RASAL2: variants seen among roughly 807,000 people sequenced by gnomAD.
RASAL2 encodes ras GTPase-activating protein nGAP.
RASAL2 carries 58 observed loss-of-function variants against 128.9 expected under a neutral mutation model. The ratio of observed to expected loss-of-function variants is 0.45; its 90% CI spans 0.36 to 0.56. The LOEUF (loss-of-function observed/expected upper bound fraction) is 0.56, where lower values mean the gene tolerates loss of function less well. RASAL2 is among the 20% of genes least tolerant of loss of function. The pLI is 0.00. For synonymous variants in RASAL2, 561 were observed against 580.8 expected, an observed-to-expected ratio of 0.97 and a Z score of 0.49; for missense variants, 1,360 against 1,601.6, an observed-to-expected ratio of 0.85 and a Z score of 2.57.
At chr1:178,411,178 A>G (rs1048047557) in intron 4 of RASAL2, among the ~76,000 whole-genome samples, 2 of 147,048 alleles carry the variant, frequency 1.4e-5, no homozygotes, top group Admixed American at 6.7e-5. Flanking sequence ...ACACACACAC[A>G]CACACACACA....
chr1:178,238,840 A>C (rs1038409818), intron 1 of RASAL2, among the ~76,000 whole-genome samples: 10 of 151,986 alleles, frequency 6.6e-5, no homozygotes, highest in Non-Finnish European at 1.5e-5. Flanking sequence ...TCCTGGAATG[A>C]TTTATCTGCC....
At chr1:178,205,552 C>A (rs927640189) in intron 1 of RASAL2, among the ~76,000 whole-genome samples, 1 of 151,810 alleles carries the variant, frequency 6.6e-6, no homozygotes, top group African/African-American at 2.4e-5. Context: ...GTCAGGAGAT[C>A]GAGACCATCC....
chr1:178,188,957 A>T (rs1662400327), intron 1 of RASAL2, among the ~76,000 whole-genome samples: 1 of 152,154 alleles, frequency 6.6e-6, no homozygotes, highest in African/African-American at 2.4e-5. Context: ...TACTGGTGCC[A>T]GTTATAAAAT....
intron 2 of RASAL2, among the ~76,000 whole-genome samples, chr1:178,292,973 T>C (rs1010885681): frequency 6.6e-6 from 1 of 152,224 alleles, no homozygotes; most frequent in Non-Finnish European, 1.5e-5. Flanking sequence ...TGAAAGTGTT[T>C]ACACTCAGAT....
chr1:178,164,638 A>C (rs977728637), intron 1 of RASAL2, among the ~76,000 whole-genome samples: 2 of 152,012 alleles, frequency 1.3e-5, no homozygotes, highest in Non-Finnish European at 2.9e-5. Context: ...TCTGTTTTAA[A>C]GAAGGCAGAA....
At chr1:178,291,468 C>A (rs954735047) in intron 2 of RASAL2, among the ~76,000 whole-genome samples, 4 of 152,064 alleles carry the variant, frequency 2.6e-5, no homozygotes, top group African/African-American at 7.2e-5. Flanking sequence ...TGCAGTAGAC[C>A]AGGTGAGGAA....
At chr1:178,296,103 GTATATATGTGTGTATATATATGTGTA>G (rs1557883600) in intron 2 of RASAL2, among the ~76,000 whole-genome samples, 10 of 150,682 alleles carry the variant, frequency 6.6e-5, no homozygotes, top group African/African-American at 2.2e-4. Flanking sequence ...ATATATATGT[GTATATATGTGTGTATATATATGTGTA>G]TATATATGTG....
chr1:178,102,311 A>G (rs1658929329), intron 1 of RASAL2, among the ~76,000 whole-genome samples: 1 of 152,132 alleles, frequency 6.6e-6, no homozygotes, highest in Admixed American at 6.6e-5. Context: ...AGAGATAACT[A>G]TCATTTTTTT....
intron 1 of RASAL2, among the ~76,000 whole-genome samples, chr1:178,133,259 C>G (rs372885364): frequency 3.2e-4 from 49 of 152,140 alleles, no homozygotes; most frequent in African/African-American, 9.9e-4. Context: ...TTTACTCTTA[C>G]GCATTTTGCT....
In RASAL2 at chr1:178,215,410, A is replaced by G. The variant is rs373369228; in HGVS notation, c.203-68154A>G. The stretch of plus-strand genomic sequence containing the variant: ...GGAGAAGATGCTGAGAAATAGTGGG[A>G]AGTCCTAGGGGATGGAAGAACCCAG... On this transcript the variant is annotated intron_variant, in intron 1 of 17. Coordinates refer to ENST00000367649, the MANE Select transcript of RASAL2 (RefSeq NM_170692.4). Among the ~76,000 whole-genome samples the G allele has an allele frequency of 5.3e-5, 8 of 152,328 alleles. No individual in the cohort carries two copies. In the East Asian group the frequency reaches 1.4e-3, roughly 26 times the overall value.
At chr1:178,181,720 G>C (rs773676650) in intron 1 of RASAL2, among the ~76,000 whole-genome samples, 1 of 151,278 alleles carries the variant, frequency 6.6e-6, no homozygotes, top group Admixed American at 6.6e-5. Flanking sequence ...TTATGACCTT[G>C]ACAGTTTTGA....
intron 1 of RASAL2, among the ~76,000 whole-genome samples, chr1:178,213,980 G>A (rs948865566): frequency 1.3e-5 from 2 of 151,968 alleles, no homozygotes; most frequent in Non-Finnish European, 2.9e-5. Context: ...GCTCATACCT[G>A]TAATTCTAAC....
At chr1:178,144,507 G>C (rs1660650415) in intron 1 of RASAL2, among the ~76,000 whole-genome samples, 1 of 152,122 alleles carries the variant, frequency 6.6e-6, no homozygotes, top group African/African-American at 2.4e-5. Flanking sequence ...GCCTAATACT[G>C]TGTATCATCA....
chr1:178,251,478 G>A (rs1665054406), intron 1 of RASAL2, among the ~76,000 whole-genome samples: 1 of 152,134 alleles, frequency 6.6e-6, no homozygotes. Context: ...GTAAAAATCA[G>A]TATATGTAAA....
At chr1:178,159,363 T>A (rs974634372) in intron 1 of RASAL2, among the ~76,000 whole-genome samples, 8 of 152,326 alleles carry the variant, frequency 5.3e-5, no homozygotes, top group African/African-American at 1.9e-4. Flanking sequence ...TTACTCTAAC[T>A]AGGCCAGTCA....
At chr1:178,247,406 G>T (rs1366814616) in intron 1 of RASAL2, among the ~76,000 whole-genome samples, 5 of 151,940 alleles carry the variant, frequency 3.3e-5, no homozygotes, top group Admixed American at 3.3e-4. Flanking sequence ...TTATATTTCT[G>T]TGGGATCAGT....
intron 3 of RASAL2, among the ~76,000 whole-genome samples, chr1:178,374,016 T>A (rs1304121664): frequency 6.6e-6 from 1 of 152,090 alleles, no homozygotes; most frequent in Non-Finnish European, 1.5e-5. Flanking sequence ...CTACAATAAG[T>A]TTAGTTGCTG....
chr1:178,195,510 A>G (rs1662630498), intron 1 of RASAL2, among the ~76,000 whole-genome samples: 1 of 152,170 alleles, frequency 6.6e-6, no homozygotes, highest in South Asian at 2.1e-4. Context: ...AATAGAATGA[A>G]GTATATAAGA....
At chr1:178,148,212 C>A (rs1451992086) in intron 1 of RASAL2, among the ~76,000 whole-genome samples, 6 of 149,900 alleles carry the variant, frequency 4.0e-5, no homozygotes, top group Non-Finnish European at 8.9e-5. Flanking sequence ...TGAAAGGGGG[C>A]TTAACCATGA....
Sources: allele counts gnomAD v4.1 joint callset (sites outside exome capture counted in the v4.1 genomes callset), GRCh38; gene constraint gnomAD v4.1.1; transcripts MANE v1.5; gene names NCBI Gene and HGNC (gene_info 2026-07-23, HGNC 2026-07-21).